METAP1: variants seen among roughly 807,000 people sequenced by gnomAD.
METAP1 encodes methionine aminopeptidase 1.
In METAP1, 28 loss-of-function variants were observed where a neutral mutation model predicts 53.8. The observed-to-expected ratio is 0.52, with a 90% CI of 0.39 to 0.71. The LOEUF is 0.71. Ranked by LOEUF, METAP1 falls within the 30% of genes least tolerant of loss-of-function variation. The pLI, the probability that METAP1 is intolerant of heterozygous loss-of-function variation, is 0.00. For synonymous variants in METAP1, 181 were observed against 165.7 expected, an observed-to-expected ratio of 1.09 and a Z score of -0.71; for missense variants, 389 against 479.8, an observed-to-expected ratio of 0.81 and a Z score of 1.77.
Position 99,026,387 on chromosome 4 carries a change from T to G in METAP1, c.115-2480T>G, listed in dbSNP as rs944416490. On this transcript the variant is annotated intron_variant, in intron 1 of 10. Transcript: ENST00000296411. ...ATAAGTACATGTGACATGTTAAGCT[T>G]GTGTGTGGAGTGAAGTGTGGACATT... The G allele has an allele frequency of 8.1e-6, 8 of 985,274 alleles. No individual in the cohort carries two copies. The African/African-American group carries it at 1.2e-4, about 15-fold the overall frequency. The allele number at this position is 985,274 out of a possible 1,614,324, so 61.0% of individuals were successfully genotyped here.
Position 99,000,674 on chromosome 4 carries a change from A to G in METAP1, c.114+4807A>G, listed in dbSNP as rs1298363944. Among the ~76,000 whole-genome samples, 10 of 135,556 alleles carry G rather than the reference A, an allele frequency of 7.4e-5. No individual in the cohort carries two copies. The South Asian group carries it at 2.3e-3, about 31-fold the overall frequency. The allele number at this position is 135,556 out of a possible 152,430, so 88.9% of individuals were successfully genotyped here. On this transcript the variant is annotated intron_variant, in intron 1 of 10. Transcript: ENST00000296411. ...GAAAGTCTTTTTTTTTTTTTTTTTTAAATAACAAGACAGTTTTTCTTCTCT... is the reference window on the plus strand; with the variant it reads ...GAAAGTCTTTTTTTTTTTTTTTTTTGAATAACAAGACAGTTTTTCTTCTCT...
intron 8 of METAP1, among the ~76,000 whole-genome samples, chr4:99,048,526 T>C (rs1204945994): frequency 1.3e-5 from 2 of 152,148 alleles, no homozygotes; most frequent in South Asian, 2.1e-4. Context: ...TGCACCACTA[T>C]GCGGGACTAA....
intron 8 of METAP1, among the ~76,000 whole-genome samples, chr4:99,046,087 CT>C (rs1412401343): frequency 1.3e-5 from 2 of 152,168 alleles, no homozygotes; most frequent in African/African-American, 4.8e-5. Context: ...CTTATCGAGG[CT>C]TTTTTGTTTA....
chr4:99,037,150 T>G lies in METAP1; in HGVS notation c.340+1690T>G, dbSNP rs118058982. Among the ~76,000 whole-genome samples, 11 of 151,922 alleles carry G rather than the reference T, an allele frequency of 7.2e-5. 1 individual carries two copies. The East Asian group carries it at 2.1e-3, about 29-fold the overall frequency. On this transcript the variant is annotated intron_variant, in intron 4 of 10. Transcript: ENST00000296411. ...AATGTTTATTCATATCCTTAGCCTT[T>G]TTTTCCCTGTTAGAGTACTAGTTTT...
At chr4:99,044,094 A>C (rs1466206071) in intron 7 of METAP1, among the ~76,000 whole-genome samples, 2 of 151,950 alleles carry the variant, frequency 1.3e-5, no homozygotes, top group Admixed American at 1.3e-4. Context: ...TGCCCAGCTC[A>C]GTTTTTGTAT....
chr4:98,999,680 T>C (rs1722831293), intron 1 of METAP1, among the ~76,000 whole-genome samples: 1 of 150,772 alleles, frequency 6.6e-6, no homozygotes. Context: ...CTGGCTAATT[T>C]TTTTGTATTT....
chr4:99,010,058 T>G (rs529543974), intron 1 of METAP1, among the ~76,000 whole-genome samples: 25 of 152,346 alleles, frequency 1.6e-4, no homozygotes, highest in Admixed American at 1.4e-3. Context: ...TTTTTATATA[T>G]GGTTAAGATA....
chr4:99,007,351 C>T (rs1355159985), intron 1 of METAP1, among the ~76,000 whole-genome samples: 1 of 152,142 alleles, frequency 6.6e-6, no homozygotes, highest in Non-Finnish European at 1.5e-5. Context: ...CTGTTCCTAG[C>T]AGATCACCAT....
chr4:99,000,115 C>T (rs1032040823), intron 1 of METAP1, among the ~76,000 whole-genome samples: 1 of 152,162 alleles, frequency 6.6e-6, no homozygotes, highest in African/African-American at 2.4e-5. Flanking sequence ...TCTGTATTTA[C>T]ATTATCCTTT....
At chr4:98,997,849 A>C (rs1212243695) in intron 1 of METAP1, among the ~76,000 whole-genome samples, 1 of 152,000 alleles carries the variant, frequency 6.6e-6, no homozygotes, top group African/African-American at 2.4e-5. Context: ...CTTTTTCTTC[A>C]TTTCTGTTAC....
chr4:99,026,760 T>G (rs1315435207), intron 1 of METAP1: 3 of 985,392 alleles, frequency 3.0e-6, no homozygotes, highest in Non-Finnish European at 3.6e-6. Context: ...CTTAGAGAGT[T>G]CTTAGGAGAT....
intron 1 of METAP1, among the ~76,000 whole-genome samples, chr4:99,012,535 A>G (rs979781948): frequency 1.3e-5 from 2 of 151,922 alleles, no homozygotes; most frequent in African/African-American, 2.4e-5. Flanking sequence ...TTGGCCTCCC[A>G]AAGTGCTGGG....
At chr4:99,051,877 G>A (rs931602079) in intron 9 of METAP1, among the ~76,000 whole-genome samples, 2 of 151,938 alleles carry the variant, frequency 1.3e-5, no homozygotes, top group Non-Finnish European at 2.9e-5. Context: ...CCAGGAAATT[G>A]TTGTATAACA....
chr4:99,040,874 AAT>A (rs1725808663), intron 5 of METAP1, among the ~76,000 whole-genome samples, 167 bp from the exon 6 acceptor site: 2 of 151,330 alleles, frequency 1.3e-5, no homozygotes, highest in South Asian at 2.1e-4. Context: ...ATATAAAATT[AAT>A]GTTTGTTTTT....
intron 2 of METAP1, chr4:99,031,446 T>C: frequency 1.6e-6 from 2 of 1,282,518 alleles, no homozygotes; most frequent in Non-Finnish European, 2.0e-6. Context: ...GAACTCTAAG[T>C]AATACTTTTC....
chr4:98,998,383 C>T (rs1190979827), intron 1 of METAP1, among the ~76,000 whole-genome samples: 2 of 152,040 alleles, frequency 1.3e-5, no homozygotes, highest in Non-Finnish European at 2.9e-5. Flanking sequence ...ATTAGCTGGG[C>T]GTGGTGGCAC....
intron 2 of METAP1, among the ~76,000 whole-genome samples, chr4:99,030,792 T>C (rs1426121809): frequency 6.6e-6 from 1 of 152,096 alleles, no homozygotes; most frequent in Non-Finnish European, 1.5e-5. Context: ...TTTTTTTTTT[T>C]TTTAAGTATA....
intron 1 of METAP1, among the ~76,000 whole-genome samples, chr4:99,028,142 CTA>C (rs1724713539): frequency 2.0e-5 from 3 of 152,252 alleles, no homozygotes; most frequent in South Asian, 2.1e-4. Context: ...TAAATAAAGT[CTA>C]TGTCTGTTTG....
At chr4:99,017,426 C>T (rs1723832137) in intron 1 of METAP1, among the ~76,000 whole-genome samples, 1 of 152,258 alleles carries the variant, frequency 6.6e-6, no homozygotes, top group Admixed American at 6.5e-5. Flanking sequence ...TTTCTCCATC[C>T]ACCACAGCAT....
Sources: gnomAD v4.1 joint callset for allele counts (sites outside exome capture counted in the v4.1 genomes callset) on GRCh38, gnomAD v4.1.1 for gene constraint, MANE v1.5 for transcripts, NCBI Gene and HGNC (gene_info 2026-07-23, HGNC 2026-07-21) for gene names.